The following PCDHGB7 variants were observed in gnomAD, a reference collection of about 807,000 sequenced individuals.
The protein encoded by PCDHGB7 is protocadherin gamma-B7.
A neutral mutation model predicts 61.4 loss-of-function variants in PCDHGB7; 37 were observed. That is an observed-to-expected ratio of 0.60 (90% confidence interval 0.46 to 0.79). The LOEUF is 0.79. PCDHGB7 is among the 30% of genes least tolerant of loss of function. The probability of loss-of-function intolerance (pLI) is 0.00; values close to 1 mark genes in which losing one functional copy is unlikely to be tolerated. For missense variants in PCDHGB7, 1,166 were observed against 1,202.5 expected (o/e 0.97, Z 0.45); for synonymous variants, 464 against 503.5 (o/e 0.92, Z 1.05).
At chr5:141,436,053 A>G (rs971342534) in intron 1 of PCDHGB7, among the ~76,000 whole-genome samples, 2 of 152,232 alleles carry the variant, frequency 1.3e-5, no homozygotes, top group African/African-American at 2.4e-5. Flanking sequence ...TAGTTTTCAA[A>G]TAGAATTTAA....
At chr5:141,438,633 TATACAC>T (rs1275936248) in intron 1 of PCDHGB7, among the ~76,000 whole-genome samples, 1,035 of 33,718 alleles carry the variant, frequency 0.031, 6 homozygotes, top group African/African-American at 0.063. Context: ...TATATATATA[TATACAC>T]ACACACACAC....
intron 2 of PCDHGB7, among the ~76,000 whole-genome samples, chr5:141,496,279 G>C (rs902362885): frequency 1.3e-5 from 2 of 152,198 alleles, no homozygotes; most frequent in Non-Finnish European, 2.9e-5. Context: ...ACCTTCAGTT[G>C]GTCTGAGCAG....
At chr5:141,502,547 C>G (rs1340258642) in intron 2 of PCDHGB7, among the ~76,000 whole-genome samples, 2 of 152,156 alleles carry the variant, frequency 1.3e-5, no homozygotes, top group East Asian at 3.8e-4. Context: ...GTGGTAAAAA[C>G]AGTGTCCCAG....
intron 1 of PCDHGB7, among the ~76,000 whole-genome samples, chr5:141,469,212 G>A (rs114294512): frequency 0.021 from 3,174 of 151,360 alleles, 54 homozygotes; most frequent in Non-Finnish European, 0.032. Flanking sequence ...TTGAAGTTGA[G>A]GCTTCAGTGA....
chr5:141,428,159 G>A (rs1377084529), intron 1 of PCDHGB7: 1 of 1,571,752 alleles, frequency 6.4e-7, no homozygotes, highest in East Asian at 2.2e-5. Context: ...GAACCTGCTG[G>A]TTGCTGTGCG....
Position 141,486,443 on chromosome 5 carries a change from A to G in PCDHGB7, c.2416-8364A>G, listed in dbSNP as rs747419698. Reference sequence around the variant, plus strand: ...AGAGGCCAAATCTAGCTATGACATCATGGTCACTGCTTCTGATGCTGGGAA... The same window carrying G: ...AGAGGCCAAATCTAGCTATGACATCGTGGTCACTGCTTCTGATGCTGGGAA... On this transcript the variant is annotated intron_variant, in intron 1 of 3. Transcript: ENST00000398594. The surrounding 1 kb of genome is among the most constrained non-coding windows in gnomAD (Gnocchi z 5.0). The G allele has an allele frequency of 1.9e-6, 3 of 1,614,060 alleles. No individual in the cohort carries two copies. Among genetic ancestry groups the G allele is most frequent in the South Asian group, 2.2e-5 (2 of 91,080 alleles).
intron 1 of PCDHGB7, chr5:141,441,260 A>G (rs1217151195): frequency 1.3e-5 from 2 of 152,222 alleles, no homozygotes; most frequent in Non-Finnish European, 2.9e-5. Context: ...AAATCACAAG[A>G]TCTGGATTCG....
intron 1 of PCDHGB7, among the ~76,000 whole-genome samples, chr5:141,457,415 C>T (rs185690067): frequency 3.9e-4 from 60 of 152,300 alleles, no homozygotes; most frequent in African/African-American, 1.3e-3. Flanking sequence ...CATTACCCAT[C>T]CCTTTTTCCC....
At chr5:141,444,752 T>C (rs1376810825) in intron 1 of PCDHGB7, among the ~76,000 whole-genome samples, 2 of 152,228 alleles carry the variant, frequency 1.3e-5, no homozygotes, top group Non-Finnish European at 2.9e-5. Context: ...CTGATATATG[T>C]AGTTCTATTT....
chr5:141,437,728 A>T (rs1236819934), intron 1 of PCDHGB7, among the ~76,000 whole-genome samples: 1 of 150,908 alleles, frequency 6.6e-6, no homozygotes, highest in Non-Finnish European at 1.5e-5. Context: ...CTAATGTTAC[A>T]CTTTGAGTTC....
intron 1 of PCDHGB7, among the ~76,000 whole-genome samples, chr5:141,473,343 T>C (rs1309426537): frequency 6.6e-6 from 1 of 152,218 alleles, no homozygotes; most frequent in Non-Finnish European, 1.5e-5. Flanking sequence ...TGCTAGACAG[T>C]GAGGATGCAA....
At chr5:141,428,307 C>T (rs759382004) in intron 1 of PCDHGB7, 5 of 688,034 alleles carry the variant, frequency 7.3e-6, no homozygotes, top group Non-Finnish European at 5.1e-6. Flanking sequence ...TTTACCTGGT[C>T]GTGGCCTTGG....
rs77983663 is a variant in PCDHGB7, at chr5:141,504,853, C to T, written c.2475-540C>T. 2.8e-4 allele frequency among the ~76,000 whole-genome samples: 42 copies of T among 152,214 alleles called. No homozygotes were observed. In the East Asian group the frequency reaches 7.7e-3, roughly 28 times the overall value. On this transcript the variant is annotated intron_variant, in intron 2 of 3. Transcript: ENST00000398594. ...TTCTCTAGCTCTGGAACATTCTCTT[C>T]CATTTCCCACCTTCACAGTCCTCTG... is the stretch of plus-strand genomic sequence containing the variant.
In PCDHGB7 at chr5:141,431,643, A is replaced by G. The variant is rs528599572; in HGVS notation, c.2415+11369A>G. Reference sequence around the variant, plus strand: ...AAGGCGGCCCAAGTTTTCAAACTAGATTGTAATTCAGGGACAATATCAACA... The same window carrying G: ...AAGGCGGCCCAAGTTTTCAAACTAGGTTGTAATTCAGGGACAATATCAACA... On this transcript the variant is annotated intron_variant, in intron 1 of 3. Coordinates refer to ENST00000398594, the MANE Select transcript of PCDHGB7 (RefSeq NM_018927.4). The surrounding 1 kb of genome is among the most constrained non-coding windows in gnomAD (Gnocchi z 4.8). 5.0e-5 allele frequency: 81 copies of G among 1,614,240 alleles called. No individual in the cohort carries two copies. In the South Asian group the frequency reaches 7.4e-4, roughly 15 times the overall value.
rs1263406836 is a variant in PCDHGB7 at position 141,491,918 on chromosome 5, G to A, written c.2416-2889G>A. On this transcript the variant is annotated intron_variant, in intron 1 of 3. Coordinates refer to ENST00000398594, the MANE Select transcript of PCDHGB7 (RefSeq NM_018927.4). The surrounding 1 kb of genome is among the most constrained non-coding windows in gnomAD (Gnocchi z 6.9). ...GCACCGGGGGTGGTGGCGACTGTGGGCGAGGGGAGGTGGGACCGACCCCCA... is the reference window on the plus strand; with the variant it reads ...GCACCGGGGGTGGTGGCGACTGTGGACGAGGGGAGGTGGGACCGACCCCCA... 2 of 1,371,698 alleles carry A rather than the reference G, an allele frequency of 1.5e-6. No homozygotes were observed. Among genetic ancestry groups the A allele is most frequent in the Non-Finnish European group, 1.9e-6 (2 of 1,028,962 alleles). 85.0% of individuals were successfully genotyped at this position (1,371,698 alleles called of 1,614,324 possible).
intron 3 of PCDHGB7, among the ~76,000 whole-genome samples, chr5:141,505,926 G>T (rs114056147): frequency 6.6e-6 from 1 of 152,146 alleles, no homozygotes; most frequent in African/African-American, 2.4e-5. Flanking sequence ...TGGGCCTGGC[G>T]CTTGGAAGCC....
rs373286702 is a variant in PCDHGB7, at chr5:141,421,190, A to T, written c.2415+916A>T. ...TACATAAGCCGATTCACAACCAACC[A>T]GCTCGAGAAACCGCGGAATATCGGC... On this transcript the variant is annotated intron_variant, in intron 1 of 3. Transcript: ENST00000398594. The T allele has an allele frequency of 4.7e-6, 7 of 1,480,168 alleles. No homozygotes were observed. The South Asian group carries it at 9.4e-5, about 20-fold the overall frequency. 91.7% of individuals were successfully genotyped at this position (1,480,168 alleles called of 1,614,324 possible).
chr5:141,477,431 G>T lies in PCDHGB7; in HGVS notation c.2416-17376G>T. 3 of 1,614,080 alleles carry T rather than the reference G, an allele frequency of 1.9e-6. No homozygotes were observed. The highest frequency in any genetic ancestry group is 2.5e-6 in the Non-Finnish European group (3 of 1,180,012). On this transcript the variant is annotated intron_variant, in intron 1 of 3. Transcript: ENST00000398594. This position sits in a 1 kb window ranked among gnomAD's most constrained non-coding sequence, Gnocchi z 4.9. ...AGACGCCGGAACCCCTTCCCTCTCA[G>T]CCCTTACAATAGTGCGTGTTCAAGT...
chr5:141,471,204 C>T (rs1349368582), intron 1 of PCDHGB7: 2 of 151,866 alleles, frequency 1.3e-5, no homozygotes, highest in African/African-American at 4.8e-5. Flanking sequence ...CACCCACCCC[C>T]ATGCCTGGCA....
Sources: gnomAD v4.1 joint callset for allele counts (sites outside exome capture counted in the v4.1 genomes callset) on GRCh38, gnomAD v4.1.1 for gene constraint, Gnocchi (gnomAD v3.1) non-coding constraint, MANE v1.5 for transcripts, NCBI Gene and HGNC (gene_info 2026-07-23, HGNC 2026-07-21) for gene names.